Variants in NTRK1 observed in about 807,000 individuals in gnomAD.
The protein encoded by NTRK1 is high affinity nerve growth factor receptor.
In NTRK1, 62 loss-of-function variants were observed where a neutral mutation model predicts 86.8. The ratio of observed to expected loss-of-function variants is 0.71; its 90% CI spans 0.58 to 0.88. The LOEUF (loss-of-function observed/expected upper bound fraction) is 0.88. Among genes scored for constraint, NTRK1 ranks in the 40% least tolerant of loss-of-function variants. NTRK1 has a pLI of 0.00. For synonymous variants in NTRK1, 469 were observed against 456.6 expected (o/e 1.03, Z -0.35); for missense variants, 967 against 1,078.4 (o/e 0.90, Z 1.45).
chr1:156,845,505 C>G (rs1194801524), intron 2 of NTRK1: 11 of 1,491,346 alleles, frequency 7.4e-6, no homozygotes, highest in Non-Finnish European at 9.8e-6. Context: ...ACCCACAACC[C>G]GGGACCCGCC....
chr1:156,840,840 C>T (rs373981367), intron 1 of NTRK1: 1 of 1,548,310 alleles, frequency 6.5e-7, no homozygotes, highest in Non-Finnish European at 8.9e-7. Context: ...TCCTGTCTCC[C>T]CATGGGAGGC....
At chr1:156,871,847 G>C in intron 7 of NTRK1, 92 bp downstream of exon 7, 1 of 1,546,700 alleles carries the variant, frequency 6.5e-7, no homozygotes, top group Non-Finnish European at 8.9e-7. Context: ...AAGAAAGGGT[G>C]GGATGTGTGT....
intron 2 of NTRK1, chr1:156,844,593 C>G (rs767505638): frequency 6.2e-7 from 1 of 1,614,158 alleles, no homozygotes; most frequent in Non-Finnish European, 8.5e-7. Flanking sequence ...CTTCGCATAT[C>G]GAAGACGGGA....
intron 3 of NTRK1, among the ~76,000 whole-genome samples, chr1:156,865,992 A>G (rs1655912610): frequency 6.6e-6 from 1 of 152,244 alleles, no homozygotes; most frequent in Non-Finnish European, 1.5e-5. Flanking sequence ...AATCTTCACA[A>G]TCAACCTGGT....
Position 156,869,457 on chromosome 1 carries a change from G to A in NTRK1, c.717+810G>A, listed in dbSNP as rs746011074. 2.6e-5 allele frequency among the ~76,000 whole-genome samples: 4 copies of A among 152,166 alleles called. No homozygotes were observed. In the East Asian group the frequency reaches 5.8e-4, roughly 22 times the overall value. The stretch of plus-strand genomic sequence containing the variant: ...TGTACTGCATCCGGGATGAGTTCTC[G>A]GGGGTATCGTGGTCTTTTTTCTGGA... On this transcript the variant is annotated intron_variant, in intron 6 of 16. Coordinates refer to ENST00000524377, the MANE Select transcript of NTRK1 (RefSeq NM_002529.4).
intron 2 of NTRK1, chr1:156,846,510 A>G (rs1655013987): frequency 3.1e-6 from 5 of 1,609,196 alleles, no homozygotes; most frequent in Non-Finnish European, 4.3e-6. Context: ...GCACCCTCCA[A>G]ATGCCTACCT....
upstream of NTRK1, chr1:156,858,620 A>G (rs1655496825): frequency 1.2e-6 from 2 of 1,613,712 alleles, no homozygotes; most frequent in Non-Finnish European, 1.7e-6. Context: ...AGGCACTGCC[A>G]TTGTCCCAGC....
intron 2 of NTRK1, chr1:156,844,544 G>A: frequency 6.2e-7 from 1 of 1,614,180 alleles, no homozygotes; most frequent in East Asian, 2.2e-5. Context: ...TGGCAGAGTA[G>A]TTTCCAGGGG....
chr1:156,832,183 C>A (rs1389288007), intron 1 of NTRK1, among the ~76,000 whole-genome samples: 1 of 152,204 alleles, frequency 6.6e-6, no homozygotes, highest in Non-Finnish European at 1.5e-5. Context: ...TCAGGTCTGG[C>A]TCTCAAGGTA....
At chr1:156,866,012 A>T (rs1484454576) in intron 3 of NTRK1, among the ~76,000 whole-genome samples, 1 of 152,238 alleles carries the variant, frequency 6.6e-6, no homozygotes, top group Non-Finnish European at 1.5e-5. Context: ...TGAGAGAGAG[A>T]GTGTTCTTGT....
At chr1:156,876,352 T>C in intron 13 of NTRK1, 48 bp from the exon 14 acceptor site, 8 of 1,612,228 alleles carry the variant, frequency 5.0e-6, no homozygotes, top group Non-Finnish European at 6.8e-6. Flanking sequence ...TGAACAGCAG[T>C]GAGGGCTCGG....
At chr1:156,871,169 G>C (rs778868191) in intron 6 of NTRK1, among the ~76,000 whole-genome samples, 3 of 152,218 alleles carry the variant, frequency 2.0e-5, no homozygotes, top group Non-Finnish European at 4.4e-5. Flanking sequence ...CATCTGTTTA[G>C]CTGCTCAGAT....
At chr1:156,843,065 C>G (rs771531496) in intron 2 of NTRK1, 1 of 1,614,160 alleles carries the variant, frequency 6.2e-7, no homozygotes, top group Admixed American at 1.7e-5. Context: ...AATGCATTCC[C>G]GTGGGCTGGC....
chr1:156,873,964 G>A lies in NTRK1; in HGVS notation c.1177+5G>A, dbSNP rs200563943. On this transcript the variant is annotated splice_donor_5th_base_variant and intron_variant, in intron 8 of 16. Transcript: ENST00000524377. ...ACCCCGAGGACCCCATCCCTGGTGC[G>A]AGGGCCATCCTGAACCCTGCCCCCA... 12 of 1,552,002 alleles carry A rather than the reference G, an allele frequency of 7.7e-6. No individual in the cohort carries two copies. The South Asian group carries it at 8.3e-5, about 11-fold the overall frequency.
chr1:156,867,218 G>A (rs1301980470), intron 4 of NTRK1, among the ~76,000 whole-genome samples: 1 of 152,232 alleles, frequency 6.6e-6, no homozygotes, highest in Non-Finnish European at 1.5e-5. Flanking sequence ...GCCTGGCTGA[G>A]CAGATTACAG....
chr1:156,867,415 C>A (rs942147846), intron 4 of NTRK1, among the ~76,000 whole-genome samples: 1 of 152,210 alleles, frequency 6.6e-6, no homozygotes, highest in African/African-American at 2.4e-5. Context: ...TCCTGGGGAG[C>A]CTGGGGTGAG....
At chr1:156,849,164 C>T in intron 2 of NTRK1, 1 of 1,600,316 alleles carries the variant, frequency 6.2e-7, no homozygotes, top group Non-Finnish European at 8.5e-7. Context: ...TCAGAGTGTC[C>T]CCCTCGAGCT....
At chr1:156,836,334 G>A (rs574559301) in intron 1 of NTRK1, among the ~76,000 whole-genome samples, 89 of 152,322 alleles carry the variant, frequency 5.8e-4, no homozygotes, top group African/African-American at 2.0e-3. Flanking sequence ...TGTGCATAGG[G>A]ACGTTTCTGA....
chr1:156,845,781 C>T (rs1280212422), intron 2 of NTRK1: 2 of 1,613,110 alleles, frequency 1.2e-6, no homozygotes, highest in Non-Finnish European at 1.7e-6. Flanking sequence ...GCCGTCGAAG[C>T]GCGGATCGTT....
Sources: allele counts gnomAD v4.1 joint callset (sites outside exome capture counted in the v4.1 genomes callset), GRCh38; gene constraint gnomAD v4.1.1; transcripts MANE v1.5; gene names NCBI Gene and HGNC (gene_info 2026-07-23, HGNC 2026-07-21).